The following ATE1 variants were observed in gnomAD, a reference collection of about 807,000 sequenced individuals.
The protein encoded by ATE1 is arginyltransferase 1.
A neutral mutation model predicts 70.5 loss-of-function variants in ATE1; 36 were observed. That is an observed-to-expected ratio of 0.51 (90% CI 0.39 to 0.67). The LOEUF is 0.67. Among genes scored for constraint, ATE1 ranks in the 30% least tolerant of loss-of-function variants. ATE1 has a pLI of 0.00. For missense variants in ATE1, 593 were observed against 629.5 expected (o/e 0.94, Z 0.62); for synonymous variants, 232 against 219.3 (o/e 1.06, Z -0.51).
chr10:121,853,494 A>G (rs972240063), intron 8 of ATE1, among the ~76,000 whole-genome samples: 29 of 152,202 alleles, frequency 1.9e-4, no homozygotes, highest in Admixed American at 5.2e-4. Flanking sequence ...GGAGCATTTC[A>G]GATTTTAGAT....
chr10:121,776,416 A>T (rs941377988), intron 11 of ATE1, among the ~76,000 whole-genome samples: 2 of 152,210 alleles, frequency 1.3e-5, no homozygotes, highest in Non-Finnish European at 2.9e-5. Context: ...TGAAGATGAA[A>T]TAAGATGATA....
intron 11 of ATE1, 65 bp downstream of exon 11, chr10:121,790,104 C>G: frequency 6.2e-7 from 1 of 1,601,138 alleles, no homozygotes; most frequent in Non-Finnish European, 8.5e-7. Context: ...AGAGCCACAG[C>G]CACACACACA....
chr10:121,889,677 T>C (rs1341858712), intron 7 of ATE1, among the ~76,000 whole-genome samples: 1 of 152,052 alleles, frequency 6.6e-6, no homozygotes, highest in Non-Finnish European at 1.5e-5. Context: ...GGCATGGTGG[T>C]CCACTCCTGT....
intron 10 of ATE1, among the ~76,000 whole-genome samples, chr10:121,821,329 A>C (rs1465694679): frequency 6.6e-6 from 1 of 152,256 alleles, no homozygotes; most frequent in African/African-American, 2.4e-5. Flanking sequence ...CAAATTGATA[A>C]GGTGGACACA....
In ATE1 at chr10:121,841,129, G is replaced by A. The variant is rs760709053; in HGVS notation, c.1110C>T (p.Tyr370=). Residue 370 remains tyrosine, a synonymous_variant, in exon 9 of 12, where the codon TAC becomes TAT. Coordinates refer to ENST00000224652, the MANE Select transcript of ATE1 (RefSeq NM_001001976.3). ...PNCVSSVYLY[Y]DPDYSFLSLG... is the part of the protein sequence containing the mutation. Reference sequence around the variant, plus strand: ...AAGACAAAAACGAATAATCAGGATCGTAGTACAAATACACAGATGATACAC... The same window carrying A: ...AAGACAAAAACGAATAATCAGGATCATAGTACAAATACACAGATGATACAC... 1.3e-5 allele frequency: 20 copies of A among 1,584,454 alleles called. No individual in the cohort carries two copies. The highest frequency in any genetic ancestry group is 4.6e-5 in the South Asian group (4 of 86,170).
chr10:121,774,924 A>C (rs957530283), intron 11 of ATE1, among the ~76,000 whole-genome samples: 3 of 152,210 alleles, frequency 2.0e-5, no homozygotes, highest in African/African-American at 7.2e-5. Context: ...TATATTACAA[A>C]ATGAATAAGC....
rs1951408559 is a variant in ATE1 at position 121,911,147 on chromosome 10, C to T, written c.342G>A (p.Glu114=). 6.2e-7 allele frequency: 1 copy of T among 1,604,542 alleles called. No homozygotes were observed. Among genetic ancestry groups the T allele is most frequent in the African/African-American group, 1.3e-5 (1 of 74,190 alleles). ...CATCATCCATTGTGGAATCCATGGG[C>T]TCATCTACAAATCAGAAGAAATTAA... is the stretch of plus-strand genomic sequence containing the variant. ...GEVPKGSCED[E]PMDSTMDDAV... Residue 114 remains glutamate (E), a synonymous_variant, in exon 5 of 12, where the codon GAG becomes GAA. Coordinates refer to ENST00000224652, the MANE Select transcript of ATE1 (RefSeq NM_001001976.3).
intron 8 of ATE1, among the ~76,000 whole-genome samples, chr10:121,862,331 C>T (rs981800509): frequency 2.0e-5 from 3 of 151,992 alleles, no homozygotes; most frequent in Admixed American, 2.0e-4. Flanking sequence ...ACAGCTACTC[C>T]AAGCAATGAT....
intron 10 of ATE1, among the ~76,000 whole-genome samples, chr10:121,822,750 C>CA (rs1435741179): frequency 1.2e-4 from 19 of 152,028 alleles, no homozygotes; most frequent in African/African-American, 3.1e-4. Context: ...GCAGGCTCCC[C>CA]AAAAAAAATT....
chr10:121,925,438 AAAAAG>A (rs1410873388), intron 1 of ATE1, among the ~76,000 whole-genome samples: 27 of 152,024 alleles, frequency 1.8e-4, no homozygotes, highest in South Asian at 6.2e-4. Context: ...AAAAAAAAAA[AAAAAG>A]AAAGAAAGAA....
intron 10 of ATE1, among the ~76,000 whole-genome samples, chr10:121,835,809 T>C (rs931086672): frequency 6.6e-6 from 1 of 152,228 alleles, no homozygotes; most frequent in East Asian, 1.9e-4. Flanking sequence ...AATGAAGGAA[T>C]AGATGAAATA....
rs190302865 is a variant in ATE1, at chr10:121,800,610, C to G, written c.1258-10321G>C. ...TTAAAATGTAAGTACACCAAAAAGACAATATTATTTAAATACACACACACA... is the reference window on the plus strand; with the variant it reads ...TTAAAATGTAAGTACACCAAAAAGAGAATATTATTTAAATACACACACACA... On this transcript the variant is annotated intron_variant, in intron 10 of 11. Transcript: ENST00000224652. Among the ~76,000 whole-genome samples, 174 of 152,182 alleles carry G rather than the reference C, an allele frequency of 1.1e-3. 1 individual carries two copies. Among genetic ancestry groups the G allele is most frequent in the African/African-American group, 4.1e-3 (172 of 41,526 alleles).
chr10:121,793,515 T>C (rs747296264), intron 10 of ATE1, among the ~76,000 whole-genome samples: 14 of 152,158 alleles, frequency 9.2e-5, no homozygotes, highest in Non-Finnish European at 1.5e-4. Context: ...TTCCCTCACA[T>C]CCTTACCAAG....
Position 121,841,121 on chromosome 10 carries a change from T to C in ATE1, c.1118A>G (p.Asp373Gly), listed in dbSNP as rs149994970. ...GACGCCCAAAGACAAAAACGAATAA[T>C]CAGGATCGTAGTACAAATACACAGA... ...VSSVYLYYDPDYSFLSLGVYS... is the reference protein window; with the variant it reads ...VSSVYLYYDPGYSFLSLGVYS... The change falls in exon 9 of 12, where the codon GAT (aspartate) becomes GGT (glycine). Residue 373 changes from aspartate to glycine, a missense_variant. By Grantham distance (94) the Asp-to-Gly change is moderately conservative. Around this residue, in one of 3 missense-constraint regions of ATE1, gnomAD observed 467 missense variants for 469.6 expected, o/e 0.99. Coordinates refer to ENST00000224652, the MANE Select transcript of ATE1 (RefSeq NM_001001976.3). 59 of 1,579,950 alleles carry C rather than the reference T, an allele frequency of 3.7e-5. No homozygotes were observed. The African/African-American group carries it at 7.2e-4, about 19-fold the overall frequency.
chr10:121,928,000 G>T lies in ATE1; in HGVS notation c.-51C>A, dbSNP rs575951350. On this transcript the variant is annotated 5_prime_UTR_variant, in exon 1 of 12. Transcript: ENST00000224652. Reference sequence around the variant, plus strand: ...CGCCCGGCCCCGCGTCGCTAGCGCGGCCGCCGCCGCCACCCCACAATGCAG... The same window carrying T: ...CGCCCGGCCCCGCGTCGCTAGCGCGTCCGCCGCCGCCACCCCACAATGCAG... 1.2e-4 allele frequency: 161 copies of T among 1,394,338 alleles called. 1 individual carries two copies. In the African/African-American group the frequency reaches 2.2e-3, roughly 19 times the overall value. The allele number at this position is 1,394,338 out of a possible 1,614,324, so 86.4% of individuals were successfully genotyped here.
At chr10:121,810,188 T>G (rs1001775830) in intron 10 of ATE1, among the ~76,000 whole-genome samples, 1 of 152,244 alleles carries the variant, frequency 6.6e-6, no homozygotes, top group Admixed American at 6.5e-5. Flanking sequence ...ATGTGTAAAT[T>G]ATTTGGTTTT....
At chr10:121,753,848 G>T (rs906098024) in intron 11 of ATE1, among the ~76,000 whole-genome samples, 3 of 152,206 alleles carry the variant, frequency 2.0e-5, no homozygotes, top group Non-Finnish European at 4.4e-5. Context: ...AGATGAGAGG[G>T]AAGTTGGTTT....
intron 11 of ATE1, among the ~76,000 whole-genome samples, chr10:121,770,970 G>A (rs1945491952): frequency 6.6e-6 from 1 of 152,110 alleles, no homozygotes; most frequent in Non-Finnish European, 1.5e-5. Flanking sequence ...AGGCTTGGAG[G>A]GTGGCGGGGG....
At chr10:121,822,482 T>C (rs1947837715) in intron 10 of ATE1, among the ~76,000 whole-genome samples, 1 of 152,174 alleles carries the variant, frequency 6.6e-6, no homozygotes, top group South Asian at 2.1e-4. Context: ...TTTGTGAAAA[T>C]TCATCAAGCT....
Sources: gnomAD v4.1 joint callset for allele counts (sites outside exome capture counted in the v4.1 genomes callset) on GRCh38, gnomAD v4.1.1 for gene constraint, gnomAD v4.1.1 regional missense constraint, MANE v1.5 for transcripts, NCBI Gene and HGNC (gene_info 2026-07-23, HGNC 2026-07-21) for gene names.